PKHD1L1: variants seen among roughly 807,000 people sequenced by gnomAD.
PKHD1L1 encodes fibrocystin-L.
Under a neutral mutation model 462.9 loss-of-function variants are expected in PKHD1L1, and 434 were observed. The ratio of observed to expected loss-of-function variants is 0.94; its 90% CI spans 0.87 to 1.02. The LOEUF is 1.02. PKHD1L1 is among the 50% of genes least tolerant of loss of function. The pLI, the probability that PKHD1L1 is intolerant of heterozygous loss-of-function variation, is 0.00. For synonymous variants in PKHD1L1, 1,781 were observed against 1,750.0 expected, an observed-to-expected ratio of 1.02 and a Z score of -0.44; for missense variants, 5,202 against 5,096.1, an observed-to-expected ratio of 1.02 and a Z score of -0.63.
At chr8:109,399,438 C>T (rs529826846) in intron 12 of PKHD1L1, among the ~76,000 whole-genome samples, 1 of 152,130 alleles carries the variant, frequency 6.6e-6, no homozygotes, top group South Asian at 2.1e-4. Context: ...AGAGAGATGG[C>T]TCTTTTCTGA....
At chr8:109,398,615 A>G (rs1586429835) in intron 12 of PKHD1L1, 67 bp downstream of exon 12, 1 of 639,608 alleles carries the variant, frequency 1.6e-6, no homozygotes, top group Admixed American at 4.1e-5. Context: ...AGTAAAAAAT[A>G]TTATTTAAAT....
intron 70 of PKHD1L1, among the ~76,000 whole-genome samples, chr8:109,508,998 C>T (rs1417365136): frequency 6.6e-6 from 1 of 152,114 alleles, no homozygotes; most frequent in East Asian, 1.9e-4. Flanking sequence ...AGTCCCTAAA[C>T]AGGCTTAGAT....
At position 109,449,427 on chromosome 8, in the gene PKHD1L1, G is replaced by A; in HGVS notation, c.6115G>A (p.Ala2039Thr). 1.3e-6 allele frequency: 2 copies of A among 1,598,030 alleles called. No homozygotes were observed. Among genetic ancestry groups the A allele is most frequent in the East Asian group, 2.2e-5 (1 of 44,500 alleles). ...TATATTAGTTTGTGGCTCAGAATGTGCAATTGACAGGCTTAGATCTGATTA... is the reference window on the plus strand; with the variant it reads ...TATATTAGTTTGTGGCTCAGAATGTACAATTGACAGGCTTAGATCTGATTA... Reference protein sequence around the residue: ...SIILVCGSECAIDRLRSDYTT... With the variant: ...SIILVCGSECTIDRLRSDYTT... The change falls in exon 40 of 78, where the codon GCA becomes ACA. Residue 2039 changes from alanine (A) to threonine (T), a missense_variant. Around this residue, in one of 3 missense-constraint regions of PKHD1L1, gnomAD observed 4,497 missense variants for 4,336.8 expected, o/e 1.04. Transcript: ENST00000378402.
intron 40 of PKHD1L1, 92 bp downstream of exon 40, chr8:109,449,579 T>C: frequency 8.4e-7 from 1 of 1,188,900 alleles, no homozygotes; most frequent in Non-Finnish European, 1.1e-6. Context: ...TTGGATTCCT[T>C]GGAGTAATTA....
intron 21 of PKHD1L1, among the ~76,000 whole-genome samples, chr8:109,418,477 T>C (rs568435160): frequency 6.6e-6 from 1 of 152,348 alleles, no homozygotes; most frequent in African/African-American, 2.4e-5. Flanking sequence ...TACTTATATA[T>C]GTGTTACAAA....
chr8:109,474,108 G>A (rs769445872), intron 50 of PKHD1L1, among the ~76,000 whole-genome samples: 1 of 152,062 alleles, frequency 6.6e-6, no homozygotes, highest in Non-Finnish European at 1.5e-5. Context: ...TGGTGTCTCT[G>A]GTCATGAATC....
intron 50 of PKHD1L1, chr8:109,470,289 T>C (rs936850530): frequency 8.8e-6 from 13 of 1,479,118 alleles, no homozygotes; most frequent in African/African-American, 4.2e-5. Flanking sequence ...GCCATACTTG[T>C]AACTGCAAAA....
intron 47 of PKHD1L1, among the ~76,000 whole-genome samples, chr8:109,460,836 G>C (rs1194178196): frequency 6.6e-6 from 1 of 152,168 alleles, no homozygotes; most frequent in South Asian, 2.1e-4. Context: ...TGGGATCCAG[G>C]CTTATGAAGG....
chr8:109,413,940 T>C (rs1449082210), intron 21 of PKHD1L1, among the ~76,000 whole-genome samples: 1 of 150,990 alleles, frequency 6.6e-6, no homozygotes, highest in African/African-American at 2.4e-5. Flanking sequence ...AAAAAGGAAG[T>C]AGAGAGATTT....
intron 9 of PKHD1L1, among the ~76,000 whole-genome samples, chr8:109,391,791 A>AT (rs1278133326): frequency 1.3e-5 from 2 of 152,154 alleles, no homozygotes; most frequent in Admixed American, 6.5e-5. Flanking sequence ...GAAGGATGAG[A>AT]TTTTGTCCCT....
rs1464481249 is a variant in PKHD1L1, at chr8:109,522,487, AATG to A, written c.12183+153_12183+155del. On this transcript the variant is annotated intron_variant, in intron 74 of 77. Coordinates refer to ENST00000378402, the MANE Select transcript of PKHD1L1 (RefSeq NM_177531.6). ...TGTTGACTTTTTATAGGCTCGCTAAAATGATAATAAAGTTGTTTGAACAAAGGA... is the reference window on the plus strand; with the variant it reads ...TGTTGACTTTTTATAGGCTCGCTAAAATAATAAAGTTGTTTGAACAAAGGA... 19 of 1,059,588 alleles carry A rather than the reference AATG, an allele frequency of 1.8e-5. No individual in the cohort carries two copies. The African/African-American group carries it at 3.0e-4, about 17-fold the overall frequency. The allele number at this position is 1,059,588 out of a possible 1,614,324, so 65.6% of individuals were successfully genotyped here.
In PKHD1L1 at chr8:109,364,008, C is replaced by T. The variant is rs138754287; in HGVS notation, c.74-539C>T. Among the ~76,000 whole-genome samples, 1,204 of 152,324 alleles carry T rather than the reference C, an allele frequency of 7.9e-3. 14 individuals are homozygous for T. Among genetic ancestry groups the T allele is most frequent in the African/African-American group, 0.027 (1,141 of 41,570 alleles). ...TAGTGACCTTTATATTAAGAACTCACTATCATCAGGAGGCTAGAAGAATCT... is the reference window on the plus strand; with the variant it reads ...TAGTGACCTTTATATTAAGAACTCATTATCATCAGGAGGCTAGAAGAATCT... On this transcript the variant is annotated intron_variant, in intron 1 of 77. Coordinates refer to ENST00000378402, the MANE Select transcript of PKHD1L1 (RefSeq NM_177531.6).
At chr8:109,496,769 C>A in intron 63 of PKHD1L1, 150 bp from the exon 64 acceptor site, 2 of 780,312 alleles carry the variant, frequency 2.6e-6, no homozygotes, top group Non-Finnish European at 3.9e-6. Context: ...AATGGCAGAG[C>A]CATAAAAATA....
intron 23 of PKHD1L1, among the ~76,000 whole-genome samples, chr8:109,421,632 A>C (rs1291934935): frequency 6.6e-6 from 1 of 151,666 alleles, no homozygotes; most frequent in East Asian, 1.9e-4. Flanking sequence ...AAATACAAAA[A>C]AATTAGCCGG....
At chr8:109,417,107 A>G (rs1291330636) in intron 21 of PKHD1L1, among the ~76,000 whole-genome samples, 2 of 152,194 alleles carry the variant, frequency 1.3e-5, no homozygotes, top group Non-Finnish European at 2.9e-5. Flanking sequence ...AAAAATAGCT[A>G]GAAAGAATGA....
chr8:109,440,760 T>C lies in PKHD1L1; in HGVS notation c.4007T>C (p.Phe1336Ser), dbSNP rs1208372717. Reference protein sequence around the residue: ...IQYVLEVTSMFPQRGSLFGGT... With the variant: ...IQYVLEVTSMSPQRGSLFGGT... Reference sequence around the variant, plus strand: ...TATGTTTTAGAAGTGACCAGCATGTTTCCACAAAGAGGCTCCTTGTTTGGT... The same window carrying C: ...TATGTTTTAGAAGTGACCAGCATGTCTCCACAAAGAGGCTCCTTGTTTGGT... Residue 1336 changes from phenylalanine to serine, a missense_variant, in exon 33 of 78, where the codon TTT becomes TCT. By Grantham distance (155) the Phe-to-Ser change is radical. Coordinates refer to ENST00000378402, the MANE Select transcript of PKHD1L1 (RefSeq NM_177531.6). 1 of 1,612,966 alleles carries C rather than the reference T, an allele frequency of 6.2e-7. No individual in the cohort carries two copies. Among genetic ancestry groups the C allele is most frequent in the Non-Finnish European group, 8.5e-7 (1 of 1,179,244 alleles).
intron 46 of PKHD1L1, 78 bp from the exon 47 acceptor site, chr8:109,459,517 A>T: frequency 8.4e-7 from 1 of 1,188,604 alleles, no homozygotes; most frequent in Non-Finnish European, 1.1e-6. Context: ...ATTTAAAATG[A>T]ATAAAACAAA....
rs776964330 is a variant in PKHD1L1, at chr8:109,522,233, C to A, written c.12079C>A (p.Gln4027Lys). The A allele has an allele frequency of 5.6e-6, 9 of 1,605,042 alleles. No individual in the cohort carries two copies. Among genetic ancestry groups the A allele is most frequent in the Non-Finnish European group, 7.7e-6 (9 of 1,172,900 alleles). Residue 4027 changes from glutamine to lysine, a missense_variant, in exon 74 of 78, where the codon CAA becomes AAA. Gln to Lys is a moderately conservative substitution (Grantham distance 53, BLOSUM62 1). Coordinates refer to ENST00000378402, the MANE Select transcript of PKHD1L1 (RefSeq NM_177531.6). ...CCAGGAAATTGCTGGTTCTCTTGGA[C>A]AAGCTGTAATTTTAGGAAACATCAG... ...ELQEIAGSLG[Q>K]AVILGNISSI...
At chr8:109,524,114 G>A (rs1563639657) in intron 76 of PKHD1L1, among the ~76,000 whole-genome samples, 1 of 152,180 alleles carries the variant, frequency 6.6e-6, no homozygotes, top group Non-Finnish European at 1.5e-5. Flanking sequence ...GTGATAGAAT[G>A]TAGAGTATCT....
Sources: allele counts gnomAD v4.1 joint callset (sites outside exome capture counted in the v4.1 genomes callset), GRCh38; gene constraint gnomAD v4.1.1; regional missense constraint gnomAD v4.1.1; transcripts MANE v1.5; gene names NCBI Gene and HGNC (gene_info 2026-07-23, HGNC 2026-07-21).